Variants in CARMIL1 observed in about 807,000 individuals in gnomAD.
The protein encoded by CARMIL1 is capping protein regulator and myosin 1 linker 1, also known as F-actin-uncapping protein LRRC16A.
CARMIL1 carries 90 observed loss-of-function variants against 177.1 expected under a neutral mutation model. That is an observed-to-expected ratio of 0.51 (90% CI 0.43 to 0.61). CARMIL1 has a LOEUF of 0.61. Among genes scored for constraint, CARMIL1 ranks in the 20% least tolerant of loss-of-function variants. The pLI is 0.00. For synonymous variants in CARMIL1, 577 were observed against 606.2 expected, an observed-to-expected ratio of 0.95 and a Z score of 0.71; for missense variants, 1,380 against 1,667.0, an observed-to-expected ratio of 0.83 and a Z score of 3.00.
intron 29 of CARMIL1, among the ~76,000 whole-genome samples, chr6:25,564,260 A>C (rs1326576613): frequency 6.6e-6 from 1 of 152,102 alleles, no homozygotes; most frequent in Non-Finnish European, 1.5e-5. Flanking sequence ...TTATTTCTCC[A>C]CTGCACTGTC....
intron 2 of CARMIL1, chr6:25,388,149 A>T (rs966909110): frequency 2.6e-5 from 4 of 152,174 alleles, no homozygotes; most frequent in Non-Finnish European, 4.4e-5. Context: ...AACTCATTTG[A>T]TGTAGAAGCG....
intron 13 of CARMIL1, 127 bp from the exon 14 acceptor site, chr6:25,491,605 A>G: frequency 1.8e-6 from 1 of 549,212 alleles, no homozygotes; most frequent in Non-Finnish European, 3.2e-6. Context: ...AAATTCTGAT[A>G]ATCCCCTTGG....
chr6:25,451,986 G>GGGGGGGGGGGGGGGGGC, intron 8 of CARMIL1: 2 of 112,668 alleles, frequency 1.8e-5, no homozygotes, highest in African/African-American at 7.3e-5. Flanking sequence ...CTAGCATCTT[G>GGGGGGGGGGGGGGGGGC]CCCCCCCCTC....
chr6:25,317,779 G>A (rs1413656667), intron 2 of CARMIL1, among the ~76,000 whole-genome samples: 1 of 151,678 alleles, frequency 6.6e-6, no homozygotes, highest in Non-Finnish European at 1.5e-5. Context: ...CACCCAGGTT[G>A]ATCTAGAACT....
chr6:25,482,200 TA>T, intron 11 of CARMIL1, 56 bp from the exon 12 acceptor site: 1 of 832,286 alleles, frequency 1.2e-6, no homozygotes, highest in South Asian at 1.6e-5. Flanking sequence ...TCATCCATTG[TA>T]AAAAATGCAA....
intron 29 of CARMIL1, among the ~76,000 whole-genome samples, chr6:25,572,282 A>G (rs947841801): frequency 3.9e-5 from 6 of 152,154 alleles, no homozygotes; most frequent in Non-Finnish European, 5.9e-5. Context: ...TGAAGAGTAT[A>G]TTTGTATTTA....
rs5875031 is a variant in CARMIL1, at chr6:25,356,050, C to CT, written c.139-64046dup. Among the ~76,000 whole-genome samples, 706 of 120,292 alleles carry CT rather than the reference C, an allele frequency of 5.9e-3. 5 individuals carry two copies. Among genetic ancestry groups the CT allele is most frequent in the Middle Eastern group, 0.025 (6 of 236 alleles). The allele number at this position is 120,292 out of a possible 152,430, so 78.9% of individuals were successfully genotyped here. On this transcript the variant is annotated intron_variant, in intron 2 of 36. Transcript: ENST00000329474. ...CTGGACTTTCCTCCTTCTAAGACTT[C>CT]TTTTTTTTTTTTTTTTTTGAGACGG...
chr6:25,376,590 T>C (rs215016), intron 2 of CARMIL1, among the ~76,000 whole-genome samples: 143,757 of 152,274 alleles, frequency 0.94, 68,003 homozygotes, highest in East Asian at 1. Context: ...ACAGCTTTCT[T>C]AGATGCTGGT....
intron 8 of CARMIL1, among the ~76,000 whole-genome samples, chr6:25,457,834 G>T (rs909693423): frequency 6.6e-5 from 10 of 152,134 alleles, no homozygotes; most frequent in Admixed American, 2.6e-4. Flanking sequence ...GAATAATCAT[G>T]ATGTTGTTCA....
At chr6:25,313,683 G>GCATGTATATATATATATATATATATATA in intron 2 of CARMIL1, among the ~76,000 whole-genome samples, 1 of 133,774 alleles carries the variant, frequency 7.5e-6, no homozygotes, top group South Asian at 2.6e-4. Flanking sequence ...AGGGAAGGCT[G>GCATGTATATATATATATATATATATATA]TATATATACA....
chr6:25,559,879 G>A (rs1053090643), intron 29 of CARMIL1, among the ~76,000 whole-genome samples: 1 of 151,930 alleles, frequency 6.6e-6, no homozygotes, highest in Admixed American at 6.6e-5. Flanking sequence ...ATTTCTCTCT[G>A]GTCCAAATGT....
At chr6:25,421,084 C>T (rs1795816433) in intron 3 of CARMIL1, among the ~76,000 whole-genome samples, 1 of 152,214 alleles carries the variant, frequency 6.6e-6, no homozygotes, top group African/African-American at 2.4e-5. Flanking sequence ...TGATTCTAAT[C>T]AAGGGAGGCT....
chr6:25,329,052 A>G (rs1161303095), intron 2 of CARMIL1, among the ~76,000 whole-genome samples: 1 of 152,224 alleles, frequency 6.6e-6, no homozygotes, highest in Non-Finnish European at 1.5e-5. Context: ...TGGGCCATTT[A>G]AAATGATAAT....
At chr6:25,451,331 C>T (rs1798897932) in intron 8 of CARMIL1, among the ~76,000 whole-genome samples, 1 of 152,052 alleles carries the variant, frequency 6.6e-6, no homozygotes, top group Non-Finnish European at 1.5e-5. Flanking sequence ...TATTATTTTA[C>T]CTAATTGCCA....
intron 2 of CARMIL1, among the ~76,000 whole-genome samples, chr6:25,340,680 C>T (rs568288376): frequency 2.0e-5 from 3 of 150,486 alleles, no homozygotes; most frequent in African/African-American, 7.3e-5. Context: ...CCATGAACTA[C>T]ATGCTACGAG....
intron 8 of CARMIL1, chr6:25,451,986 G>GGGGGGGGGGGGGGGGGGCCCC: frequency 8.9e-6 from 1 of 112,670 alleles, no homozygotes; most frequent in East Asian, 2.0e-4. Context: ...CTAGCATCTT[G>GGGGGGGGGGGGGGGGGGCCCC]CCCCCCCCTC....
In CARMIL1 at chr6:25,426,525, G is replaced by C; in HGVS notation, c.214G>C (p.Glu72Gln). 1 of 1,612,044 alleles carries C rather than the reference G, an allele frequency of 6.2e-7. No individual in the cohort carries two copies. Residue 72 changes from glutamate (E) to glutamine (Q), a missense_variant, in exon 4 of 37, where the codon GAG (glutamate) becomes CAG (glutamine). By Grantham distance (29) the Glu-to-Gln change is conservative. Coordinates refer to ENST00000329474, the MANE Select transcript of CARMIL1 (RefSeq NM_017640.6). The stretch of plus-strand genomic sequence containing the variant: ...GCTCGAGTTAACCTTCAGCTACTTG[G>C]AGATTCATGGCGTCGTTTGCAGCAA... ...TKLELTFSYL[E>Q]IHGVVCSKSA... is the part of the protein sequence containing the mutation.
intron 2 of CARMIL1, among the ~76,000 whole-genome samples, chr6:25,304,256 A>G (rs1421478373): frequency 6.6e-6 from 1 of 152,222 alleles, no homozygotes; most frequent in Non-Finnish European, 1.5e-5. Flanking sequence ...CTGTCCACTC[A>G]TAGAATGTGC....
At chr6:25,344,728 A>T (rs1017806627) in intron 2 of CARMIL1, among the ~76,000 whole-genome samples, 2 of 152,028 alleles carry the variant, frequency 1.3e-5, no homozygotes, top group Non-Finnish European at 2.9e-5. Flanking sequence ...ATCAGTAGAG[A>T]CTGCCACCAG....
Sources: allele counts gnomAD v4.1 joint callset (sites outside exome capture counted in the v4.1 genomes callset), GRCh38; gene constraint gnomAD v4.1.1; transcripts MANE v1.5; gene names NCBI Gene and HGNC (gene_info 2026-07-23, HGNC 2026-07-21).